EPHX2: variants seen among roughly 807,000 people sequenced by gnomAD.
EPHX2 encodes bifunctional epoxide hydrolase 2.
A neutral mutation model predicts 78.7 loss-of-function variants in EPHX2; 74 were observed. That is an observed-to-expected ratio of 0.94 (90% confidence interval 0.78 to 1.14). The LOEUF is 1.14. Among genes scored for constraint, EPHX2 ranks in the 50% most tolerant of loss-of-function variants. EPHX2 has a pLI of 0.00. For synonymous variants in EPHX2, 251 were observed against 255.2 expected, an observed-to-expected ratio of 0.98 and a Z score of 0.16; for missense variants, 715 against 702.5, an observed-to-expected ratio of 1.02 and a Z score of -0.20.
chr8:27,500,835 C>G, intron 1 of EPHX2, 91 bp from the exon 2 acceptor site: 1 of 1,179,860 alleles, frequency 8.5e-7, no homozygotes, highest in Non-Finnish European at 1.2e-6. Context: ...TTTCTAGTGG[C>G]TGCTTCTCAA....
intron 4 of EPHX2, among the ~76,000 whole-genome samples, chr8:27,505,856 C>T (rs1011623690): frequency 1.3e-5 from 2 of 152,190 alleles, no homozygotes; most frequent in African/African-American, 2.4e-5. Context: ...GTCTTCCTAT[C>T]GATGGCTTCC....
In EPHX2 at chr8:27,511,928, C is replaced by T; in HGVS notation, c.735+18C>T. 1 of 1,613,380 alleles carries T rather than the reference C, an allele frequency of 6.2e-7. No homozygotes were observed. Among genetic ancestry groups the T allele is most frequent in the Non-Finnish European group, 8.5e-7 (1 of 1,179,414 alleles). On this transcript the variant is annotated intron_variant, in intron 6 of 18. Transcript: ENST00000521400. Reference sequence around the variant, plus strand: ...CAGTAAAGGTGAGTCAGTTTTGTCTCTCAGTCGGCTAAGTGCTCTCCCACC... The same window carrying T: ...CAGTAAAGGTGAGTCAGTTTTGTCTTTCAGTCGGCTAAGTGCTCTCCCACC...
chr8:27,514,030 C>T (rs983618323), intron 6 of EPHX2, among the ~76,000 whole-genome samples: 7 of 152,272 alleles, frequency 4.6e-5, no homozygotes, highest in African/African-American at 1.4e-4. Context: ...ATAAAACTTT[C>T]TGTGGGGCCA....
At chr8:27,504,257 C>A (rs1013437491) in intron 3 of EPHX2, among the ~76,000 whole-genome samples, 3 of 152,130 alleles carry the variant, frequency 2.0e-5, no homozygotes, top group Non-Finnish European at 4.4e-5. Context: ...TGAAACTATT[C>A]CACCCTCTTA....
At chr8:27,500,155 T>C (rs1813711395) in intron 1 of EPHX2, among the ~76,000 whole-genome samples, 1 of 152,154 alleles carries the variant, frequency 6.6e-6, no homozygotes, top group Non-Finnish European at 1.5e-5. Context: ...TGGGAGGTGA[T>C]TGGATCATGG....
At chr8:27,547,394 A>G (rs1170587308), downstream of EPHX2, among the ~76,000 whole-genome samples, 1 of 152,186 alleles carries the variant, frequency 6.6e-6, no homozygotes, top group Non-Finnish European at 1.5e-5. Flanking sequence ...TGTGTTCAAA[A>G]TGATTTAATT....
chr8:27,509,447 T>C (rs1384397294), intron 5 of EPHX2, among the ~76,000 whole-genome samples: 3 of 152,172 alleles, frequency 2.0e-5, no homozygotes, highest in African/African-American at 7.2e-5. Context: ...CTTTTATTTA[T>C]TATTATTTCT....
rs1268059740 is a variant in EPHX2, at chr8:27,541,478, C to T, written c.1385C>T (p.Pro462Leu). 12 of 1,614,228 alleles carry T rather than the reference C, an allele frequency of 7.4e-6. No homozygotes were observed. The East Asian group carries it at 2.7e-4, about 36-fold the overall frequency. ...ACTTTCTGATCTCTCCCCAGAGGTC[C>T]TCTAAACTGGTACCGAAACATGGAA... is the stretch of plus-strand genomic sequence containing the variant. ...QQFKKSGFRGPLNWYRNMERN... is the reference protein window; with the variant it reads ...QQFKKSGFRGLLNWYRNMERN... The change falls in exon 16 of 19, where the codon CCT (proline) becomes CTT (leucine). Residue 462 changes from proline to leucine, a missense_variant. Coordinates refer to ENST00000521400, the MANE Select transcript of EPHX2 (RefSeq NM_001979.6).
At position 27,506,842 on chromosome 8, in the gene EPHX2, T is replaced by C. The variant is rs369344535; in HGVS notation, c.538-30T>C. The C allele has an allele frequency of 1.9e-6, 3 of 1,603,178 alleles. No homozygotes were observed. In the African/African-American group the frequency reaches 4.0e-5, roughly 22 times the overall value. On this transcript the variant is annotated intron_variant, in intron 4 of 18. Coordinates refer to ENST00000521400, the MANE Select transcript of EPHX2 (RefSeq NM_001979.6). ...GTTTGCATTCTGGTGAGTTTCTTTCTGAGATTCTCCCATGCTGTTTTGGGC... is the reference window on the plus strand; with the variant it reads ...GTTTGCATTCTGGTGAGTTTCTTTCCGAGATTCTCCCATGCTGTTTTGGGC...
intron 9 of EPHX2, among the ~76,000 whole-genome samples, chr8:27,520,549 G>A (rs1377854110): frequency 2.0e-5 from 3 of 152,032 alleles, no homozygotes; most frequent in African/African-American, 7.2e-5. Flanking sequence ...GTTTCACCAT[G>A]TTGGCCAGGA....
chr8:27,548,484 T>C (rs1308909517), downstream of EPHX2, among the ~76,000 whole-genome samples: 5 of 152,186 alleles, frequency 3.3e-5, no homozygotes, highest in African/African-American at 1.2e-4. Context: ...TAACTGTCTG[T>C]CTCCCTGTTA....
intron 12 of EPHX2, among the ~76,000 whole-genome samples, chr8:27,525,989 C>G (rs995563449): frequency 6.6e-6 from 1 of 152,210 alleles, no homozygotes; most frequent in Non-Finnish European, 1.5e-5. Context: ...AGAGCAGCAT[C>G]AGGAGTCAAC....
chr8:27,540,705 A>G (rs758405241), intron 15 of EPHX2, 49 bp downstream of exon 15: 24 of 1,561,042 alleles, frequency 1.5e-5, no homozygotes, highest in Non-Finnish European at 2.1e-5. Flanking sequence ...ATCGACAGAT[A>G]GGGATCTTCA....
chr8:27,520,664 GGACT>G (rs1422720314), intron 9 of EPHX2, among the ~76,000 whole-genome samples: 1 of 152,088 alleles, frequency 6.6e-6, no homozygotes, highest in Non-Finnish European at 1.5e-5. Context: ...CCTCTGATCA[GGACT>G]CCCAGACCCG....
intron 15 of EPHX2, 38 bp from the exon 16 acceptor site, chr8:27,541,435 T>TA (rs1292993699): frequency 6.2e-7 from 1 of 1,608,064 alleles, no homozygotes; most frequent in South Asian, 1.1e-5. Context: ...GCCGTCTACT[T>TA]ACTGCCTCCC....
chr8:27,528,878 C>T lies in EPHX2; in HGVS notation c.1170+3405C>T, dbSNP rs28758884. Among the ~76,000 whole-genome samples, 655 of 152,296 alleles carry T rather than the reference C, an allele frequency of 4.3e-3. 6 individuals carry two copies. The highest frequency in any genetic ancestry group is 0.015 in the African/African-American group (629 of 41,542). Reference sequence around the variant, plus strand: ...TGGCACAATCTCGGCTCACTACAACCTCCAGCTCCCAGGTTCAAGCGATTC... The same window carrying T: ...TGGCACAATCTCGGCTCACTACAACTTCCAGCTCCCAGGTTCAAGCGATTC... On this transcript the variant is annotated intron_variant, in intron 12 of 18. Transcript: ENST00000521400.
chr8:27,546,637 C>T (rs947689311), downstream of EPHX2, among the ~76,000 whole-genome samples: 1 of 152,208 alleles, frequency 6.6e-6, no homozygotes, highest in Admixed American at 6.5e-5. Context: ...GCACAAACAG[C>T]AAACCTGTCT....
intron 16 of EPHX2, among the ~76,000 whole-genome samples, chr8:27,542,584 A>G (rs1284359591): frequency 6.6e-6 from 1 of 152,170 alleles, no homozygotes; most frequent in African/African-American, 2.4e-5. Flanking sequence ...GTGGAGGAAA[A>G]TATTGACAAA....
At chr8:27,517,927 TTTTG>T (rs768710189) in intron 8 of EPHX2, 107 bp from the exon 9 acceptor site, 1 of 813,836 alleles carries the variant, frequency 1.2e-6, no homozygotes, top group Non-Finnish European at 2.0e-6. Flanking sequence ...TTTTGTGGGT[TTTTG>T]TTGTTGTTGT....
Sources: allele counts gnomAD v4.1 joint callset (sites outside exome capture counted in the v4.1 genomes callset), GRCh38; gene constraint gnomAD v4.1.1; transcripts MANE v1.5; gene names NCBI Gene and HGNC (gene_info 2026-07-23, HGNC 2026-07-21).